SPTLC3: variants seen among roughly 807,000 people sequenced by gnomAD.
SPTLC3 encodes the protein serine palmitoyltransferase long chain base subunit 3.
In SPTLC3, 36 loss-of-function variants were observed where a neutral mutation model predicts 59.3. That is an observed-to-expected ratio of 0.61 (90% CI 0.47 to 0.80). The LOEUF (loss-of-function observed/expected upper bound fraction) is 0.80, where lower values mean the gene tolerates loss of function less well. Ranked by LOEUF, SPTLC3 falls within the 30% of genes least tolerant of loss-of-function variation. SPTLC3 has a pLI of 0.00. For missense variants in SPTLC3, 625 were observed against 685.1 expected (o/e 0.91, Z 0.98); for synonymous variants, 257 against 240.8 (o/e 1.07, Z -0.62).
intron 6 of SPTLC3, among the ~76,000 whole-genome samples, chr20:13,106,859 A>T (rs1279022111): frequency 6.6e-6 from 1 of 152,174 alleles, no homozygotes; most frequent in African/African-American, 2.4e-5. Context: ...GAACTAGCAA[A>T]CTGTCTCTTC....
intron 4 of SPTLC3, among the ~76,000 whole-genome samples, chr20:13,090,864 C>G (rs58115914): frequency 0.28 from 42,586 of 151,916 alleles, 6,086 homozygotes; most frequent in Middle Eastern, 0.36. Flanking sequence ...TTTCTCATTG[C>G]TGTATTGAAT....
intron 1 of SPTLC3, among the ~76,000 whole-genome samples, chr20:13,043,712 A>C (rs974447687): frequency 6.6e-6 from 1 of 151,938 alleles, no homozygotes; most frequent in African/African-American, 2.4e-5. Flanking sequence ...TCCTATATAC[A>C]CTCAGTCTTT....
intron 8 of SPTLC3, among the ~76,000 whole-genome samples, chr20:13,122,288 A>G (rs1467558080): frequency 6.6e-6 from 1 of 152,224 alleles, no homozygotes; most frequent in Non-Finnish European, 1.5e-5. Context: ...AAACATTTGG[A>G]GACCAATGTG....
At position 13,126,731 on chromosome 20, in the gene SPTLC3, C is replaced by T; in HGVS notation, c.1279+14C>T. 2 of 1,613,576 alleles carry T rather than the reference C, an allele frequency of 1.2e-6. No homozygotes were observed. The highest frequency in any genetic ancestry group is 1.7e-6 in the Non-Finnish European group (2 of 1,179,742). On this transcript the variant is annotated intron_variant, in intron 9 of 11. Coordinates refer to ENST00000399002, the MANE Select transcript of SPTLC3 (RefSeq NM_018327.4). ...GGACCACTCAAGGTAAGAGGATCTG[C>T]AGAGAGCACAGCTCCTGGACCTCTC...
intron 4 of SPTLC3, among the ~76,000 whole-genome samples, chr20:13,080,182 A>G (rs1988789450): frequency 6.6e-6 from 1 of 152,158 alleles, no homozygotes; most frequent in Non-Finnish European, 1.5e-5. Flanking sequence ...ATCCCAATTT[A>G]AGAAATAGGA....
At chr20:13,122,306 C>T (rs1568613320) in intron 8 of SPTLC3, among the ~76,000 whole-genome samples, 1 of 152,246 alleles carries the variant, frequency 6.6e-6, no homozygotes, top group Non-Finnish European at 1.5e-5. Flanking sequence ...GTGACTCAAT[C>T]TGTGATTTAG....
chr20:13,110,233 G>C lies in SPTLC3; in HGVS notation c.932+16G>C, dbSNP rs1477150446. 1 of 1,607,606 alleles carries C rather than the reference G, an allele frequency of 6.2e-7. No homozygotes were observed. The highest frequency in any genetic ancestry group is 2.2e-5 in the East Asian group (1 of 44,740). ...GTGTCTACAGGTATGTAAATAACAG[G>C]ACACATTTTACGACTCGGAGGCCTG... On this transcript the variant is annotated intron_variant, in intron 7 of 11. Transcript: ENST00000399002.
At chr20:13,130,509 T>C (rs932548727) in intron 9 of SPTLC3, among the ~76,000 whole-genome samples, 3 of 152,344 alleles carry the variant, frequency 2.0e-5, no homozygotes, top group Middle Eastern at 3.4e-3. Flanking sequence ...AGGAATAAGG[T>C]CAGTGTTCCT....
chr20:13,116,218 T>A (rs1274009926), intron 7 of SPTLC3, among the ~76,000 whole-genome samples: 1 of 152,192 alleles, frequency 6.6e-6, no homozygotes, highest in Non-Finnish European at 1.5e-5. Context: ...CTTAAGCTTA[T>A]TTTTTAATAC....
At chr20:13,086,125 C>T (rs1416526598) in intron 4 of SPTLC3, among the ~76,000 whole-genome samples, 1 of 152,048 alleles carries the variant, frequency 6.6e-6, no homozygotes, top group Non-Finnish European at 1.5e-5. Context: ...TTAAAAAATG[C>T]CAATATTTAT....
At chr20:13,151,467 C>T (rs1017566652) in intron 9 of SPTLC3, among the ~76,000 whole-genome samples, 2 of 152,198 alleles carry the variant, frequency 1.3e-5, no homozygotes, top group African/African-American at 4.8e-5. Flanking sequence ...AACAATAAGC[C>T]GGATGCTCTC....
chr20:13,110,073 C>T, intron 6 of SPTLC3, 39 bp from the exon 7 acceptor site: 1 of 1,538,764 alleles, frequency 6.5e-7, no homozygotes, highest in East Asian at 2.3e-5. Context: ...AAAGTAAACC[C>T]TTTCATGACT....
rs111873522 is a variant in SPTLC3 at position 13,168,462 on chromosome 20, C to T, written c.*3595C>T. ...CCTCCCAAAGTGCTGGGATTACAGG[C>T]GTGAGCCACCGTGCCCGGCCTGAAT... On this transcript the variant is annotated 3_prime_UTR_variant, in exon 12 of 12. Transcript: ENST00000399002. The T allele has an allele frequency of 0.02, 3,003 of 152,336 alleles. 56 individuals are homozygous for T. The highest frequency in any genetic ancestry group is 0.03 in the South Asian group (147 of 4,824). The allele number at this position is 152,336 out of a possible 1,614,324, so 9.4% of individuals were successfully genotyped here.
chr20:13,155,927 C>G (rs1255977207), intron 10 of SPTLC3, among the ~76,000 whole-genome samples: 1 of 152,158 alleles, frequency 6.6e-6, no homozygotes, highest in Non-Finnish European at 1.5e-5. Context: ...CATGAAGTAT[C>G]TGAGGACATA....
At chr20:13,095,370 T>C (rs1989374841) in intron 6 of SPTLC3, among the ~76,000 whole-genome samples, 1 of 152,204 alleles carries the variant, frequency 6.6e-6, no homozygotes, top group Non-Finnish European at 1.5e-5. Flanking sequence ...CACTCCATTC[T>C]ACTGCGTCAG....
At chr20:13,065,799 CTAAA>C (rs942491528) in intron 2 of SPTLC3, among the ~76,000 whole-genome samples, 15 of 126,216 alleles carry the variant, frequency 1.2e-4, no homozygotes, top group African/African-American at 4.3e-4. Flanking sequence ...TTTAAAAATT[CTAAA>C]TATTTATAGT....
intron 2 of SPTLC3, among the ~76,000 whole-genome samples, chr20:13,063,507 A>G (rs888776986): frequency 1.1e-4 from 16 of 151,864 alleles, no homozygotes; most frequent in Non-Finnish European, 2.4e-4. Context: ...AAATGTTCCT[A>G]CAGTTTCATT....
At chr20:13,012,999 A>C (rs1464882481) in intron 1 of SPTLC3, among the ~76,000 whole-genome samples, 1 of 152,216 alleles carries the variant, frequency 6.6e-6, no homozygotes, top group African/African-American at 2.4e-5. Context: ...AGTAAAGGGC[A>C]TAAGAAAGGT....
At chr20:13,034,432 CT>C (rs775362352) in intron 1 of SPTLC3, among the ~76,000 whole-genome samples, 1 of 152,050 alleles carries the variant, frequency 6.6e-6, no homozygotes, top group African/African-American at 2.4e-5. Context: ...AAGGTACATA[CT>C]TTTTTTTCCC....
Sources: gnomAD v4.1 joint callset for allele counts (sites outside exome capture counted in the v4.1 genomes callset) on GRCh38, gnomAD v4.1.1 for gene constraint, MANE v1.5 for transcripts, NCBI Gene and HGNC (gene_info 2026-07-23, HGNC 2026-07-21) for gene names.